HS3ST4: variants seen among roughly 807,000 people sequenced by gnomAD.
The protein encoded by HS3ST4 is heparan sulfate glucosamine 3-O-sulfotransferase 4.
In HS3ST4, 17 loss-of-function variants were observed where a neutral mutation model predicts 29.2. The ratio of observed to expected loss-of-function variants is 0.58; its 90% CI spans 0.40 to 0.87. The LOEUF (loss-of-function observed/expected upper bound fraction) is 0.87. Among genes scored for constraint, HS3ST4 ranks in the 40% least tolerant of loss-of-function variants. The pLI, the probability that HS3ST4 is intolerant of heterozygous loss-of-function variation, is 0.00. For missense variants in HS3ST4, 627 were observed against 634.5 expected, an observed-to-expected ratio of 0.99 and a Z score of 0.13; for synonymous variants, 314 against 285.7, an observed-to-expected ratio of 1.10 and a Z score of -1.00.
intron 1 of HS3ST4, among the ~76,000 whole-genome samples, chr16:25,721,726 T>C (rs1215149435): frequency 6.6e-6 from 1 of 152,226 alleles, no homozygotes; most frequent in Non-Finnish European, 1.5e-5. Flanking sequence ...TGTGGGATAC[T>C]GCCCAGTGCA....
intron 1 of HS3ST4, among the ~76,000 whole-genome samples, chr16:25,718,584 A>G (rs2141588467): frequency 6.6e-6 from 1 of 152,290 alleles, no homozygotes; most frequent in Admixed American, 6.5e-5. Flanking sequence ...GACTAACTCT[A>G]TCCAAGAAAT....
intron 1 of HS3ST4, among the ~76,000 whole-genome samples, chr16:25,913,117 C>T (rs1352872246): frequency 5.3e-5 from 8 of 152,180 alleles, no homozygotes; most frequent in Non-Finnish European, 8.8e-5. Flanking sequence ...CCTTGGGATC[C>T]GTAGAAAGGC....
intron 1 of HS3ST4, among the ~76,000 whole-genome samples, chr16:25,717,867 A>G (rs1381905376): frequency 6.6e-6 from 1 of 152,182 alleles, no homozygotes; most frequent in African/African-American, 2.4e-5. Flanking sequence ...GAGTACGTAC[A>G]TCTAGGAAGT....
At chr16:25,910,980 A>T (rs1393646868) in intron 1 of HS3ST4, among the ~76,000 whole-genome samples, 1 of 152,136 alleles carries the variant, frequency 6.6e-6, no homozygotes, top group Non-Finnish European at 1.5e-5. Flanking sequence ...ATCTCACCAG[A>T]ATGGAGAATA....
intron 1 of HS3ST4, among the ~76,000 whole-genome samples, chr16:25,779,923 G>C (rs965904114): frequency 9.2e-5 from 14 of 152,328 alleles, no homozygotes; most frequent in African/African-American, 2.9e-4. Flanking sequence ...TTATGGCACT[G>C]GCATTGTCAA....
At chr16:26,029,853 G>T (rs1390931859) in intron 1 of HS3ST4, among the ~76,000 whole-genome samples, 1 of 152,218 alleles carries the variant, frequency 6.6e-6, no homozygotes. Flanking sequence ...AGTGTCAAAA[G>T]AAGTGAGTTA....
intron 1 of HS3ST4, among the ~76,000 whole-genome samples, chr16:25,799,144 C>T (rs1966907852): frequency 6.6e-6 from 1 of 152,082 alleles, no homozygotes; most frequent in African/African-American, 2.4e-5. Flanking sequence ...TTTTTCTGAG[C>T]CTTCACGTGT....
At chr16:25,782,588 T>G (rs2141615998) in intron 1 of HS3ST4, among the ~76,000 whole-genome samples, 1 of 152,286 alleles carries the variant, frequency 6.6e-6, no homozygotes. Context: ...TACCAATGTC[T>G]CTGGTGTCTC....
intron 1 of HS3ST4, among the ~76,000 whole-genome samples, chr16:26,029,417 C>CTT (rs532985339): frequency 2.3e-4 from 34 of 144,748 alleles, no homozygotes; most frequent in African/African-American, 8.3e-4. Flanking sequence ...AGGGGTAGTT[C>CTT]TTTTTTTTTT....
chr16:25,786,715 A>G (rs1966858201), intron 1 of HS3ST4, among the ~76,000 whole-genome samples: 2 of 152,238 alleles, frequency 1.3e-5, no homozygotes, highest in South Asian at 4.1e-4. Context: ...GAACTATCGC[A>G]CATAATTGGA....
intron 1 of HS3ST4, among the ~76,000 whole-genome samples, chr16:26,133,959 G>C (rs1898244861): frequency 6.6e-6 from 1 of 152,158 alleles, no homozygotes; most frequent in Non-Finnish European, 1.5e-5. Flanking sequence ...TATTGAACAG[G>C]TTTATCTTCA....
chr16:25,808,215 C>G (rs8060775), intron 1 of HS3ST4, among the ~76,000 whole-genome samples: 8,806 of 152,162 alleles, frequency 0.058, 389 homozygotes, highest in African/African-American at 0.11. Context: ...GCCTGGATCC[C>G]AAAGACTTTC....
chr16:25,785,416 C>A (rs1966856506), intron 1 of HS3ST4, among the ~76,000 whole-genome samples: 1 of 152,152 alleles, frequency 6.6e-6, no homozygotes, highest in South Asian at 2.1e-4. Context: ...GTGCCATTAC[C>A]ATTTTACCAC....
At chr16:25,777,268 C>T (rs1050658876) in intron 1 of HS3ST4, among the ~76,000 whole-genome samples, 3 of 152,236 alleles carry the variant, frequency 2.0e-5, no homozygotes, top group Non-Finnish European at 2.9e-5. Context: ...TTCTGCTTTT[C>T]TTGATATCTG....
At chr16:25,718,527 A>G (rs1966473286) in intron 1 of HS3ST4, among the ~76,000 whole-genome samples, 1 of 152,262 alleles carries the variant, frequency 6.6e-6, no homozygotes, top group South Asian at 2.1e-4. Flanking sequence ...AGAAAGAAAG[A>G]GAGACTTTCT....
intron 1 of HS3ST4, among the ~76,000 whole-genome samples, chr16:25,712,227 G>C (rs1966420246): frequency 1.3e-5 from 2 of 152,124 alleles, no homozygotes; most frequent in Admixed American, 1.3e-4. Flanking sequence ...TGCAGGTAAA[G>C]AAGGAAACAA....
chr16:25,754,099 T>A (rs1274242972), intron 1 of HS3ST4, among the ~76,000 whole-genome samples: 2 of 152,220 alleles, frequency 1.3e-5, no homozygotes, highest in African/African-American at 4.8e-5. Context: ...AAGTTTTATC[T>A]GAGTTGAAGC....
intron 1 of HS3ST4, among the ~76,000 whole-genome samples, chr16:26,007,441 T>G (rs942774627): frequency 1.3e-5 from 2 of 152,230 alleles, no homozygotes; most frequent in African/African-American, 4.8e-5. Flanking sequence ...GTAACAGCCC[T>G]GTGCCTCAGT....
intron 1 of HS3ST4, among the ~76,000 whole-genome samples, chr16:25,857,777 C>T (rs773453470): frequency 7.2e-5 from 11 of 152,100 alleles, no homozygotes; most frequent in Non-Finnish European, 1.3e-4. Flanking sequence ...CTCAAACATA[C>T]ACATATATAA....
Sources: gnomAD v4.1 joint callset for allele counts (sites outside exome capture counted in the v4.1 genomes callset) on GRCh38, gnomAD v4.1.1 for gene constraint, MANE v1.5 for transcripts, NCBI Gene and HGNC (gene_info 2026-07-23, HGNC 2026-07-21) for gene names.